The following ENOX1 variants were observed in gnomAD, a reference collection of about 807,000 sequenced individuals.
ENOX1 encodes ecto-NOX disulfide-thiol exchanger 1.
Under a neutral mutation model 82.5 loss-of-function variants are expected in ENOX1, and 42 were observed. The ratio of observed to expected loss-of-function variants is 0.51; its 90% confidence interval spans 0.40 to 0.66. The LOEUF is 0.66. ENOX1 is among the 30% of genes least tolerant of loss of function. ENOX1 has a pLI of 0.00. For missense variants in ENOX1, 608 were observed against 811.6 expected, an observed-to-expected ratio of 0.75 and a Z score of 3.05; for synonymous variants, 271 against 282.2, an observed-to-expected ratio of 0.96 and a Z score of 0.40.
rs2041329842 is a variant in ENOX1, at chr13:43,214,083, C to T, written c.1839G>A (p.Leu613=). 6.2e-7 allele frequency: 1 copy of T among 1,613,390 alleles called. No homozygotes were observed. Among genetic ancestry groups the T allele is most frequent in the Non-Finnish European group, 8.5e-7 (1 of 1,179,712 alleles). ...TGAATTCCTGTTTGAACATGCGTGG[C>T]AGCCTCATCAAAAGCATTTCTATTT... ...ANEIEMLLMR[L]PRMFKQEFTG... is the part of the protein sequence containing the mutation. The change falls in exon 17 of 17, where the codon CTG becomes CTA. Residue 613 remains leucine, a synonymous_variant. Transcript: ENST00000690772.
chr13:43,244,744 T>C (rs986318448), intron 14 of ENOX1, among the ~76,000 whole-genome samples: 3 of 152,072 alleles, frequency 2.0e-5, no homozygotes, highest in Non-Finnish European at 2.9e-5. Context: ...GTCGACAAGA[T>C]CTATGTGGTA....
At chr13:43,249,913 C>T (rs1170536185) in intron 14 of ENOX1, among the ~76,000 whole-genome samples, 1 of 152,132 alleles carries the variant, frequency 6.6e-6, no homozygotes, top group Non-Finnish European at 1.5e-5. Context: ...AGAACTATTC[C>T]AAGAACCAAG....
rs556183889 is a variant in ENOX1 at position 43,698,835 on chromosome 13, T to C, written c.-284-31291A>G. 9.2e-5 allele frequency among the ~76,000 whole-genome samples: 14 copies of C among 152,344 alleles called. No homozygotes were observed. The East Asian group carries it at 1.4e-3, about 15-fold the overall frequency. Reference sequence around the variant, plus strand: ...TACTCTAGAAAGAACATGAGTCATATATGCTGAGAAACTCTTCTTACAGTT... The same window carrying C: ...TACTCTAGAAAGAACATGAGTCATACATGCTGAGAAACTCTTCTTACAGTT... On this transcript the variant is annotated intron_variant, in intron 1 of 16. Coordinates refer to ENST00000690772, the MANE Select transcript of ENOX1 (RefSeq NM_001347969.2).
chr13:43,610,464 A>G (rs2082152193), intron 2 of ENOX1, among the ~76,000 whole-genome samples: 4 of 152,196 alleles, frequency 2.6e-5, no homozygotes, highest in African/African-American at 9.7e-5. Flanking sequence ...GTACTTATTC[A>G]ACATTTATTA....
chr13:43,710,984 T>C lies in ENOX1; in HGVS notation c.-284-43440A>G, dbSNP rs2087661435. ...ACAATGTGCAGGTTTGTTACATATG[T>C]ATACATGTGCCATGTTGGTGTGCTG... On this transcript the variant is annotated intron_variant, in intron 1 of 16. Coordinates refer to ENST00000690772, the MANE Select transcript of ENOX1 (RefSeq NM_001347969.2). Among the ~76,000 whole-genome samples, 5 of 152,240 alleles carry C rather than the reference T, an allele frequency of 3.3e-5. No homozygotes were observed. The South Asian group carries it at 8.3e-4, about 25-fold the overall frequency.
chr13:43,748,610 C>T (rs1487002975), intron 1 of ENOX1, among the ~76,000 whole-genome samples: 1 of 152,068 alleles, frequency 6.6e-6, no homozygotes, highest in African/African-American at 2.4e-5. Context: ...GTCGGTAAAC[C>T]CAGCTAAGCC....
intron 5 of ENOX1, among the ~76,000 whole-genome samples, chr13:43,364,529 T>C (rs1388798273): frequency 2.0e-5 from 3 of 151,940 alleles, no homozygotes; most frequent in Admixed American, 2.0e-4. Flanking sequence ...GGTTGTCTGT[T>C]CCCAGTTGGA....
intron 1 of ENOX1, among the ~76,000 whole-genome samples, chr13:43,721,376 C>CTTTTTT (rs761888585): frequency 1.5e-4 from 16 of 107,598 alleles, no homozygotes; most frequent in East Asian, 5.5e-4. Flanking sequence ...TATTTTATAT[C>CTTTTTT]TTTTTTTTTT....
intron 1 of ENOX1, among the ~76,000 whole-genome samples, chr13:43,782,766 T>A (rs1457648666): frequency 6.6e-6 from 1 of 152,202 alleles, no homozygotes; most frequent in Non-Finnish European, 1.5e-5. Flanking sequence ...TTCCTAAGTT[T>A]AGAAGAAATG....
chr13:43,484,326 A>G (rs1365699376), intron 2 of ENOX1, among the ~76,000 whole-genome samples, 174 bp from the exon 3 acceptor site: 3 of 152,178 alleles, frequency 2.0e-5, no homozygotes, highest in Non-Finnish European at 4.4e-5. Flanking sequence ...TAACCTTTCA[A>G]TATCGTATTT....
chr13:43,321,370 A>C (rs555867884), intron 11 of ENOX1, among the ~76,000 whole-genome samples: 1 of 152,364 alleles, frequency 6.6e-6, no homozygotes, highest in African/African-American at 2.4e-5. Flanking sequence ...TAAAGAAATT[A>C]GAGCCCTTTC....
chr13:43,605,656 A>G (rs1175199155), intron 2 of ENOX1, among the ~76,000 whole-genome samples: 1 of 152,184 alleles, frequency 6.6e-6, no homozygotes. Context: ...AAAATCAAAT[A>G]ACAATGGATT....
chr13:43,767,661 G>A (rs1191694052), intron 1 of ENOX1, among the ~76,000 whole-genome samples: 1 of 152,238 alleles, frequency 6.6e-6, no homozygotes, highest in African/African-American at 2.4e-5. Flanking sequence ...GCATCAGTGG[G>A]AAATAATGCA....
chr13:43,345,958 T>C (rs2049352503), intron 8 of ENOX1, among the ~76,000 whole-genome samples: 1 of 152,302 alleles, frequency 6.6e-6, no homozygotes, highest in African/African-American at 2.4e-5. Context: ...GTTGTTTGCA[T>C]ATAAACATAC....
At chr13:43,331,149 C>T (rs534380370) in intron 9 of ENOX1, among the ~76,000 whole-genome samples, 10 of 152,184 alleles carry the variant, frequency 6.6e-5, no homozygotes, top group Non-Finnish European at 1.5e-4. Flanking sequence ...TTCTGGGCTG[C>T]ACAAGACTCC....
chr13:43,488,810 G>A (rs536704406), intron 2 of ENOX1, among the ~76,000 whole-genome samples: 1 of 152,158 alleles, frequency 6.6e-6, no homozygotes, highest in South Asian at 2.1e-4. Context: ...TAAGGAACAG[G>A]GTACTGGAAG....
chr13:43,466,173 C>T (rs9533501), intron 3 of ENOX1, among the ~76,000 whole-genome samples: 69,162 of 151,384 alleles, frequency 0.46, 16,162 homozygotes, highest in Non-Finnish European at 0.5. Flanking sequence ...TTTTTTGATA[C>T]CAGGTATAAG....
chr13:43,438,238 C>A (rs1197172360), intron 3 of ENOX1, among the ~76,000 whole-genome samples: 2 of 152,046 alleles, frequency 1.3e-5, no homozygotes, highest in African/African-American at 4.8e-5. Flanking sequence ...AGCAATAATT[C>A]TTAGAGAAGT....
At chr13:43,497,318 G>T (rs185812710) in intron 2 of ENOX1, among the ~76,000 whole-genome samples, 111 of 152,230 alleles carry the variant, frequency 7.3e-4, no homozygotes, top group Non-Finnish European at 1.5e-3. Context: ...GAACTGGTGA[G>T]AGTGAACACC....
Sources: allele counts gnomAD v4.1 joint callset (sites outside exome capture counted in the v4.1 genomes callset), GRCh38; gene constraint gnomAD v4.1.1; transcripts MANE v1.5; gene names NCBI Gene and HGNC (gene_info 2026-07-23, HGNC 2026-07-21).